The following MYO18B variants were observed in gnomAD, a reference collection of about 807,000 sequenced individuals.
MYO18B encodes the protein unconventional myosin-XVIIIb.
A neutral mutation model predicts 273.0 loss-of-function variants in MYO18B; 204 were observed. That is an observed-to-expected ratio of 0.75 (90% CI 0.67 to 0.84). The LOEUF (loss-of-function observed/expected upper bound fraction) is 0.84, where lower values mean the gene tolerates loss of function less well. Among genes scored for constraint, MYO18B ranks in the 40% least tolerant of loss-of-function variants. The probability of loss-of-function intolerance (pLI) is 0.00; values close to 1 mark genes in which losing one functional copy is unlikely to be tolerated. For synonymous variants in MYO18B, 1,330 were observed against 1,305.7 expected (o/e 1.02, Z -0.40); for missense variants, 3,212 against 3,287.6 (o/e 0.98, Z 0.56).
intron 42 of MYO18B, among the ~76,000 whole-genome samples, chr22:26,025,176 C>G (rs533308266): frequency 8.3e-4 from 127 of 152,298 alleles, no homozygotes; most frequent in African/African-American, 2.9e-3. Flanking sequence ...ACCTATTTCC[C>G]TGGGAAAGAC....
intron 21 of MYO18B, among the ~76,000 whole-genome samples, chr22:25,863,628 A>C (rs2090803991): frequency 6.6e-6 from 1 of 152,184 alleles, no homozygotes; most frequent in African/African-American, 2.4e-5. Context: ...GAGTCAGCAG[A>C]GGTTGTTATC....
intron 34 of MYO18B, among the ~76,000 whole-genome samples, chr22:25,944,172 C>T (rs1231383957): frequency 6.6e-6 from 1 of 152,182 alleles, no homozygotes; most frequent in East Asian, 1.9e-4. Context: ...GAGTTACCTG[C>T]TGGAAAATAA....
chr22:25,953,226 A>G (rs902962507), intron 38 of MYO18B, among the ~76,000 whole-genome samples: 1 of 152,186 alleles, frequency 6.6e-6, no homozygotes, highest in African/African-American at 2.4e-5. Context: ...ACCATTGTCA[A>G]AATCCTTTCA....
chr22:25,902,504 T>A, intron 29 of MYO18B, 109 bp from the exon 30 acceptor site: 1 of 1,261,168 alleles, frequency 7.9e-7, no homozygotes, highest in Non-Finnish European at 1.1e-6. Context: ...CTCTTTCTAA[T>A]GGTTCTTGGG....
chr22:25,792,030 T>C (rs765566605), intron 11 of MYO18B, among the ~76,000 whole-genome samples: 5 of 152,198 alleles, frequency 3.3e-5, no homozygotes, highest in Non-Finnish European at 5.9e-5. Flanking sequence ...AGATCGTGGC[T>C]GAAGACAATG....
intron 24 of MYO18B, chr22:25,877,326 A>G (rs2146202549): frequency 6.6e-6 from 1 of 152,308 alleles, no homozygotes; most frequent in East Asian, 1.9e-4. Flanking sequence ...ATTCATCTTT[A>G]ATTTACAAAG....
chr22:25,773,088 T>G (rs1433351038), intron 7 of MYO18B, among the ~76,000 whole-genome samples: 1 of 152,172 alleles, frequency 6.6e-6, no homozygotes, highest in Non-Finnish European at 1.5e-5. Flanking sequence ...GGCCAATTTT[T>G]GTTGAGATGG....
At chr22:25,993,735 G>C (rs906265195) in intron 40 of MYO18B, among the ~76,000 whole-genome samples, 1 of 152,120 alleles carries the variant, frequency 6.6e-6, no homozygotes, top group Admixed American at 6.5e-5. Context: ...TTGTGGGTGC[G>C]AGACAGGCAA....
intron 42 of MYO18B, among the ~76,000 whole-genome samples, chr22:26,010,498 G>C (rs752196554): frequency 4.6e-5 from 7 of 152,152 alleles, no homozygotes; most frequent in Non-Finnish European, 8.8e-5. Context: ...TCCTGACTAT[G>C]AGCAAGTTAC....
At chr22:26,063,371 T>TGGAAAAGAGC in the MYO18B span, among the ~76,000 whole-genome samples, 1 of 152,072 alleles carries the variant, frequency 6.6e-6, no homozygotes, top group Non-Finnish European at 1.5e-5. Context: ...CCCTCAACAT[T>TGGAAAAGAGC]GGAAAAGAGC....
At chr22:25,966,751 G>T (rs897451504) in intron 39 of MYO18B, among the ~76,000 whole-genome samples, 1 of 152,146 alleles carries the variant, frequency 6.6e-6, no homozygotes, top group Admixed American at 6.5e-5. Flanking sequence ...TCCCTACAAA[G>T]GTTTCTGTAC....
downstream of MYO18B, among the ~76,000 whole-genome samples, chr22:26,035,364 G>C (rs1263180379): frequency 6.6e-6 from 1 of 152,100 alleles, no homozygotes; most frequent in Non-Finnish European, 1.5e-5. Context: ...TGCTGTCAGG[G>C]ACCCATAGAG....
At chr22:25,801,504 T>C (rs1423365174) in intron 12 of MYO18B, among the ~76,000 whole-genome samples, 2 of 152,218 alleles carry the variant, frequency 1.3e-5, no homozygotes, top group African/African-American at 4.8e-5. Context: ...ACCCACTTTG[T>C]AGGCTTCTCG....
At chr22:25,798,283 C>G (rs772569635) in intron 12 of MYO18B, among the ~76,000 whole-genome samples, 186 bp downstream of exon 12, 2 of 152,168 alleles carry the variant, frequency 1.3e-5, no homozygotes, top group Non-Finnish European at 2.9e-5. Flanking sequence ...GCTTTTCAAG[C>G]AAACCTTCTA....
At chr22:25,968,312 C>A (rs1362414708) in intron 39 of MYO18B, among the ~76,000 whole-genome samples, 1 of 152,126 alleles carries the variant, frequency 6.6e-6, no homozygotes, top group African/African-American at 2.4e-5. Context: ...GTCAGCTCCA[C>A]CCTAGCCATA....
intron 1 of MYO18B, among the ~76,000 whole-genome samples, chr22:25,751,667 C>G (rs1180204865): frequency 1.3e-5 from 2 of 152,168 alleles, no homozygotes. Flanking sequence ...GGAGTGATGC[C>G]AACCATGTGG....
intron 17 of MYO18B, among the ~76,000 whole-genome samples, chr22:25,836,149 C>T (rs777249909): frequency 3.3e-5 from 5 of 152,066 alleles, no homozygotes; most frequent in Admixed American, 6.5e-5. Context: ...GAGATGAAGG[C>T]GTGAAACCAG....
chr22:26,058,870 G>A, the MYO18B span, among the ~76,000 whole-genome samples: 15 of 152,160 alleles, frequency 9.9e-5, no homozygotes, highest in East Asian at 7.7e-4. Context: ...TTATAATTAC[G>A]CAGCCTCAGG....
chr22:26,010,614 A>T (rs1207071370), intron 42 of MYO18B, among the ~76,000 whole-genome samples: 2 of 152,210 alleles, frequency 1.3e-5, no homozygotes, highest in African/African-American at 4.8e-5. Flanking sequence ...TAGAGTGCTC[A>T]TTGGAAGGCC....
Sources: gnomAD v4.1 joint callset for allele counts (sites outside exome capture counted in the v4.1 genomes callset) on GRCh38, gnomAD v4.1.1 for gene constraint, MANE v1.5 for transcripts, NCBI Gene and HGNC (gene_info 2026-07-23, HGNC 2026-07-21) for gene names.